Variants in DUS2 observed in about 807,000 individuals in gnomAD.
DUS2 encodes the protein dihydrouridine synthase 2.
In DUS2, 52 loss-of-function variants were observed where a neutral mutation model predicts 71.3. The observed-to-expected ratio is 0.73, with a 90% CI of 0.58 to 0.92. DUS2 has a LOEUF of 0.92. Among genes scored for constraint, DUS2 ranks in the 40% least tolerant of loss-of-function variants. The pLI is 0.00. For missense variants in DUS2, 558 were observed against 622.6 expected, an observed-to-expected ratio of 0.90 and a Z score of 1.10; for synonymous variants, 204 against 227.8, an observed-to-expected ratio of 0.90 and a Z score of 0.94.
At chr16:68,057,561 T>C (rs914226196) in intron 7 of DUS2, among the ~76,000 whole-genome samples, 2 of 151,628 alleles carry the variant, frequency 1.3e-5, no homozygotes, top group African/African-American at 4.8e-5. Context: ...AGTGAAACCC[T>C]GTCTCTATAA....
intron 1 of DUS2, chr16:68,023,657 AGGCCTAGGGGCC>A: frequency 5.6e-6 from 1 of 178,148 alleles, no homozygotes; most frequent in Non-Finnish European, 1.3e-5. Flanking sequence ...ATGAATGATC[AGGCCTAGGGGCC>A]GAGACAGGGG....
rs543340742 is a variant in DUS2 at position 68,039,512 on chromosome 16, A to G, written c.126+1363A>G. Among the ~76,000 whole-genome samples, 13 of 152,042 alleles carry G rather than the reference A, an allele frequency of 8.6e-5. No homozygotes were observed. In the East Asian group the frequency reaches 2.3e-3, roughly 27 times the overall value. ...TGGCTCACTGCAAGCTCTGCCTCCC[A>G]GGTTCACACCATTCTTCTGCCTCAG... On this transcript the variant is annotated intron_variant, in intron 3 of 16. Transcript: ENST00000565263.
chr16:68,065,386 T>G (rs1598315235), intron 8 of DUS2, among the ~76,000 whole-genome samples: 1 of 151,906 alleles, frequency 6.6e-6, no homozygotes, highest in South Asian at 2.1e-4. Context: ...GCTTTTTTTT[T>G]TTTTAATAGA....
In DUS2 at chr16:68,038,154, G is replaced by C. The variant is rs1451116322; in HGVS notation, c.126+5G>C. 1.2e-6 allele frequency: 2 copies of C among 1,613,272 alleles called. No individual in the cohort carries two copies. Among genetic ancestry groups the C allele is most frequent in the South Asian group, 2.2e-5 (2 of 91,052 alleles). ...GCGGACATTGTTTACTGTGAGGTAAGGGGCTCTGATTTTCTGGGTGGGCTT... is the reference window on the plus strand; with the variant it reads ...GCGGACATTGTTTACTGTGAGGTAACGGGCTCTGATTTTCTGGGTGGGCTT... On this transcript the variant is annotated splice_donor_5th_base_variant and intron_variant, in intron 3 of 16. Coordinates refer to ENST00000565263, the MANE Select transcript of DUS2 (RefSeq NM_017803.5).
chr16:68,066,756 T>A, intron 10 of DUS2, 120 bp downstream of exon 10: 3 of 958,814 alleles, frequency 3.1e-6, no homozygotes, highest in Non-Finnish European at 4.9e-6. Flanking sequence ...TCAGCCTACC[T>A]CTGCCTAGCT....
Position 68,070,122 on chromosome 16 carries a change from T to C in DUS2, c.555-12T>C, listed in dbSNP as rs1417342706. 5.6e-6 allele frequency: 9 copies of C among 1,613,786 alleles called. No individual in the cohort carries two copies. Among genetic ancestry groups the C allele is most frequent in the Non-Finnish European group, 7.6e-6 (9 of 1,179,722 alleles). On this transcript the variant is annotated splice_polypyrimidine_tract_variant and intron_variant, in intron 10 of 16. Transcript: ENST00000565263. ...GGTGCTTAGCCCTCAGCCCCATCTT[T>C]CTATCTCCAAGGAAGCGGGAGGAGC...
intron 7 of DUS2, 81 bp from the exon 8 acceptor site, chr16:68,060,985 C>T: frequency 4.2e-6 from 6 of 1,412,676 alleles, no homozygotes; most frequent in Non-Finnish European, 6.0e-6. Context: ...CGGGGTGACG[C>T]TCAGTTGCCA....
chr16:68,077,505 G>C (rs1008712601), intron 15 of DUS2: 1 of 152,170 alleles, frequency 6.6e-6, no homozygotes, highest in African/African-American at 2.4e-5. Context: ...TCCTGTGTCA[G>C]CCTCCTGAGT....
chr16:68,024,392 C>T (rs2033312297), intron 1 of DUS2, among the ~76,000 whole-genome samples: 2 of 152,106 alleles, frequency 1.3e-5, no homozygotes, highest in South Asian at 2.1e-4. Flanking sequence ...AGCCACCATG[C>T]CCAACAGATA....
rs375156758 is a variant in DUS2 at position 68,071,112 on chromosome 16, C to A, written c.810+4C>A. The A allele has an allele frequency of 6.8e-6, 11 of 1,613,328 alleles. No individual in the cohort carries two copies. The highest frequency in any genetic ancestry group is 8.5e-6 in the Non-Finnish European group (10 of 1,179,366). Reference sequence around the variant, plus strand: ...CATGCAGAAATACATCAGATACGTACGTCTCTGTACTTTTTCAAAACAAGC... The same window carrying A: ...CATGCAGAAATACATCAGATACGTAAGTCTCTGTACTTTTTCAAAACAAGC... On this transcript the variant is annotated splice_donor_region_variant and intron_variant, in intron 12 of 16. Coordinates refer to ENST00000565263, the MANE Select transcript of DUS2 (RefSeq NM_017803.5).
chr16:68,047,034 G>GCCA (rs893324331), intron 3 of DUS2, among the ~76,000 whole-genome samples: 1 of 147,144 alleles, frequency 6.8e-6, no homozygotes, highest in African/African-American at 2.5e-5. Flanking sequence ...ACAGGCGTGA[G>GCCA]CCACCATGCC....
intron 3 of DUS2, among the ~76,000 whole-genome samples, chr16:68,047,290 G>A (rs1052762064): frequency 4.0e-5 from 6 of 150,558 alleles, no homozygotes; most frequent in Non-Finnish European, 5.9e-5. Flanking sequence ...TCCTGACCTC[G>A]TGATCCACCC....
At position 68,078,474 on chromosome 16, in the gene DUS2, C is replaced by G; in HGVS notation, c.1200C>G (p.Ser400=). 2.5e-6 allele frequency: 4 copies of G among 1,614,156 alleles called. No homozygotes were observed. Among genetic ancestry groups the G allele is most frequent in the Non-Finnish European group, 3.4e-6 (4 of 1,180,038 alleles). The change falls in exon 16 of 17, where the codon TCC becomes TCG. Residue 400 remains serine (S), a synonymous_variant. Transcript: ENST00000565263. The part of the protein sequence containing the change: ...TVQRPLDRLF[S]SIVTVAEQKY... ...AACGCCCTCTAGATCGCCTGTTCTC[C>G]TCTATTGTCACCGTTGCTGAACAAA...
intron 4 of DUS2, among the ~76,000 whole-genome samples, chr16:68,053,207 C>T (rs189852797): frequency 1.7e-4 from 26 of 152,282 alleles, no homozygotes; most frequent in African/African-American, 5.8e-4. Flanking sequence ...ATGATCCGCC[C>T]GCCTCGGCCT....
chr16:68,055,776 T>C (rs1426089837), intron 6 of DUS2, among the ~76,000 whole-genome samples: 4 of 151,084 alleles, frequency 2.6e-5, no homozygotes, highest in African/African-American at 9.7e-5. Flanking sequence ...TCACGGACTA[T>C]TAACTATGTA....
intron 2 of DUS2, among the ~76,000 whole-genome samples, chr16:68,029,112 G>C (rs940702896): frequency 5.3e-5 from 8 of 151,670 alleles, no homozygotes; most frequent in African/African-American, 1.9e-4. Context: ...TGCTGAGATG[G>C]GAGGATCACT....
At chr16:68,054,751 T>G in intron 6 of DUS2, 134 bp downstream of exon 6, 1 of 1,118,174 alleles carries the variant, frequency 8.9e-7, no homozygotes, top group Non-Finnish European at 1.3e-6. Flanking sequence ...AGGTTAAGAG[T>G]GCCTGGTTTC....
In DUS2 at chr16:68,035,422, G is replaced by A. The variant is rs576996012; in HGVS notation, c.-18-2584G>A. Among the ~76,000 whole-genome samples the A allele has an allele frequency of 4.1e-5, 6 of 147,276 alleles. No individual in the cohort carries two copies. The South Asian group carries it at 1.3e-3, about 31-fold the overall frequency. The stretch of plus-strand genomic sequence containing the variant: ...TTTTTTTCTTTTTCCTTGCTCTGTT[G>A]CCTAGACTGGAGTTTAGCGGTATTA... On this transcript the variant is annotated intron_variant, in intron 2 of 16. Transcript: ENST00000565263.
At chr16:68,046,990 T>C (rs1598305944) in intron 3 of DUS2, among the ~76,000 whole-genome samples, 1 of 151,538 alleles carries the variant, frequency 6.6e-6, no homozygotes, top group South Asian at 2.1e-4. Context: ...GACCTCGTGA[T>C]CCGCCCGCCT....
Sources: allele counts gnomAD v4.1 joint callset (sites outside exome capture counted in the v4.1 genomes callset), GRCh38; gene constraint gnomAD v4.1.1; transcripts MANE v1.5; gene names NCBI Gene and HGNC (gene_info 2026-07-23, HGNC 2026-07-21).